The following RGS12 variants were observed in gnomAD, a reference collection of about 807,000 sequenced individuals.
RGS12 encodes regulator of G protein signaling 12.
In RGS12, 66 loss-of-function variants were observed where a neutral mutation model predicts 120.1. The ratio of observed to expected loss-of-function variants is 0.55; its 90% confidence interval spans 0.45 to 0.67. RGS12 has a LOEUF of 0.67. Among genes scored for constraint, RGS12 ranks in the 30% least tolerant of loss-of-function variants. RGS12 has a pLI of 0.00. For missense variants in RGS12, 1,859 were observed against 1,957.7 expected, an observed-to-expected ratio of 0.95 and a Z score of 0.95; for synonymous variants, 827 against 804.7, an observed-to-expected ratio of 1.03 and a Z score of -0.47.
chr4:3,370,361 T>C (rs770062919), intron 3 of RGS12: 2 of 1,594,228 alleles, frequency 1.3e-6, no homozygotes, highest in South Asian at 1.1e-5. Flanking sequence ...TAATCAGTGG[T>C]AGGAAAGCGT....
chr4:3,343,700 T>A (rs1560101829), intron 3 of RGS12, among the ~76,000 whole-genome samples: 1 of 152,168 alleles, frequency 6.6e-6, no homozygotes, highest in South Asian at 2.1e-4. Context: ...CACCCACCGC[T>A]GTGTATCACC....
In RGS12 at chr4:3,318,043, G is replaced by T. The variant is rs372643239; in HGVS notation, c.1873G>T (p.Asp625Tyr). 1.3e-6 allele frequency: 2 copies of T among 1,575,736 alleles called. No homozygotes were observed. The highest frequency in any genetic ancestry group is 1.7e-6 in the Non-Finnish European group (2 of 1,155,738). ...TCGAAATGTTCGAAAGACTAAGGAA[G>T]ATAAAAAGGTAAGCCTGCCAGGAGC... ...PHRNVRKTKE[D>Y]KKGSKFGRGT... The change falls in exon 2 of 18, where the codon GAT becomes TAT. Residue 625 changes from aspartate to tyrosine, a missense_variant. Physicochemically the swap from Asp to Tyr is radical, Grantham distance 160 (BLOSUM62 -3). Around this residue, in one of 3 missense-constraint regions of RGS12, gnomAD observed 967 missense variants for 994.2 expected, o/e 0.97. Transcript: ENST00000336727.
chr4:3,316,345 C>G lies in RGS12; in HGVS notation c.175C>G (p.Arg59Gly). The change falls in exon 2 of 18, where the codon CGA (arginine) becomes GGA (glycine). Residue 59 changes from arginine (R) to glycine (G), a missense_variant. Physicochemically the swap from Arg to Gly is moderately radical, Grantham distance 125. Around this residue, in one of 3 missense-constraint regions of RGS12, gnomAD observed 967 missense variants for 994.2 expected, o/e 0.97. Transcript: ENST00000336727. ...GAGCCCTGCGGATTTCGTGGGCCTCCGAGCTGGAGACCAGATACTTGCTGT... is the reference window on the plus strand; with the variant it reads ...GAGCCCTGCGGATTTCGTGGGCCTCGGAGCTGGAGACCAGATACTTGCTGT... ...RGSPADFVGL[R>G]AGDQILAVNE... The G allele has an allele frequency of 5.0e-6, 8 of 1,611,708 alleles. No individual in the cohort carries two copies. The highest frequency in any genetic ancestry group is 5.9e-6 in the Non-Finnish European group (7 of 1,178,910).
intron 4 of RGS12, among the ~76,000 whole-genome samples, chr4:3,387,560 G>A (rs768185396): frequency 7.2e-5 from 11 of 152,206 alleles, no homozygotes; most frequent in Admixed American, 3.9e-4. Context: ...CCCGACACTC[G>A]TGTGGTGGAG....
rs1038202574 is a variant in RGS12, at chr4:3,433,842, G to A, written c.4114+2887G>A. Among the ~76,000 whole-genome samples the A allele has an allele frequency of 6.6e-6, 1 of 152,118 alleles. No individual in the cohort carries two copies. Among genetic ancestry groups the A allele is most frequent in the African/African-American group, 2.4e-5 (1 of 41,416 alleles). On this transcript the variant is annotated intron_variant, in intron 17 of 17. Coordinates refer to ENST00000336727, the MANE Select transcript of RGS12 (RefSeq NM_001394154.1). The surrounding 1 kb of genome is among the most constrained non-coding windows in gnomAD (Gnocchi z 4.4). ...CATGCAGGCTGGCCGGTGCCCCCAT[G>A]CATGTCTGGTCCCGGGAGGCATGTG...
chr4:3,286,051 G>A, the RGS12 span, among the ~76,000 whole-genome samples: 4 of 152,260 alleles, frequency 2.6e-5, no homozygotes, highest in South Asian at 2.1e-4. Flanking sequence ...CCCAGGGAAC[G>A]TGGAGAGGAG....
chr4:3,439,308 G>A (rs547479103), intron 17 of RGS12, 147 bp from the exon 18 acceptor site: 344 of 791,206 alleles, frequency 4.3e-4, no homozygotes, highest in Non-Finnish European at 6.7e-4. Flanking sequence ...GGCCCACAGC[G>A]GGACGCCAGC....
At chr4:3,329,658 T>C (rs571656574) in intron 2 of RGS12, among the ~76,000 whole-genome samples, 5 of 152,152 alleles carry the variant, frequency 3.3e-5, no homozygotes, top group East Asian at 1.9e-4. Context: ...AAGAGCAGAA[T>C]TGATGGAAAA....
chr4:3,439,307 C>T (rs907603884), intron 17 of RGS12, 148 bp from the exon 18 acceptor site: 5 of 784,594 alleles, frequency 6.4e-6, no homozygotes, highest in African/African-American at 1.7e-5. Flanking sequence ...AGGCCCACAG[C>T]GGGACGCCAG....
chr4:3,338,633 G>A (rs955269836), intron 2 of RGS12, among the ~76,000 whole-genome samples: 1 of 151,010 alleles, frequency 6.6e-6, no homozygotes, highest in Admixed American at 6.6e-5. Flanking sequence ...CAGGGTGACC[G>A]GCCTCTGTGG....
At chr4:3,343,288 C>T (rs573174451) in intron 3 of RGS12, 4 of 463,166 alleles carry the variant, frequency 8.6e-6, no homozygotes, top group African/African-American at 3.9e-5. Flanking sequence ...GTGTGCCAGA[C>T]TCCAGTGAAC....
rs1724839257 is a variant in RGS12, at chr4:3,317,275, A to G, written c.1105A>G (p.Thr369Ala). The G allele has an allele frequency of 9.9e-6, 16 of 1,613,962 alleles. No homozygotes were observed. The highest frequency in any genetic ancestry group is 1.4e-5 in the Non-Finnish European group (16 of 1,180,026). The change falls in exon 2 of 18, where the codon ACC becomes GCC. Residue 369 changes from threonine (T) to alanine (A), a missense_variant. Thr to Ala is a moderately conservative substitution (Grantham distance 58). Coordinates refer to ENST00000336727, the MANE Select transcript of RGS12 (RefSeq NM_001394154.1). Reference sequence around the variant, plus strand: ...GTTTGAGTGCACGGCCGACCCAGACACCAATGGCTGTCTGGAATTCCCGGC... The same window carrying G: ...GTTTGAGTGCACGGCCGACCCAGACGCCAATGGCTGTCTGGAATTCCCGGC... ...FGFECTADPD[T>A]NGCLEFPASS...
intron 3 of RGS12, among the ~76,000 whole-genome samples, chr4:3,362,514 G>T (rs1715705849): frequency 7.0e-6 from 1 of 143,040 alleles, no homozygotes; most frequent in African/African-American, 2.6e-5. Context: ...GCGAGGATCA[G>T]TGTGTGTGAG....
In RGS12 at chr4:3,422,576, G is replaced by A. The variant is rs1723134125; in HGVS notation, c.3033+6G>A. On this transcript the variant is annotated splice_donor_region_variant and intron_variant, in intron 11 of 17. Transcript: ENST00000336727. Reference sequence around the variant, plus strand: ...TCCTGGTGGGCGGGGACAAGGTACTGGGCCCGCCTGACCCTCGTGCTGCCC... The same window carrying A: ...TCCTGGTGGGCGGGGACAAGGTACTAGGCCCGCCTGACCCTCGTGCTGCCC... 1 of 1,608,972 alleles carries A rather than the reference G, an allele frequency of 6.2e-7. No individual in the cohort carries two copies. The highest frequency in any genetic ancestry group is 1.3e-5 in the African/African-American group (1 of 75,018).
intron 1 of RGS12, among the ~76,000 whole-genome samples, chr4:3,300,017 C>A (rs768055210): frequency 3.7e-4 from 56 of 152,334 alleles, no homozygotes; most frequent in Non-Finnish European, 6.6e-4. Flanking sequence ...TAACTCTGTG[C>A]TGCAGTTTGT....
intron 4 of RGS12, among the ~76,000 whole-genome samples, chr4:3,394,201 C>T (rs578021593): frequency 7.6e-4 from 116 of 152,072 alleles, no homozygotes; most frequent in African/African-American, 2.7e-3. Context: ...CTCGCTCTGT[C>T]ACCCAGGCTA....
intron 4 of RGS12, among the ~76,000 whole-genome samples, chr4:3,397,625 A>T (rs1720170423): frequency 2.6e-5 from 4 of 152,170 alleles, no homozygotes; most frequent in Admixed American, 1.3e-4. Flanking sequence ...GGAGGAGCAG[A>T]TAGGGGGGTG....
In RGS12 at chr4:3,317,122, C is replaced by G; in HGVS notation, c.952C>G (p.Gln318Glu). 6.2e-7 allele frequency: 1 copy of G among 1,613,952 alleles called. No homozygotes were observed. The highest frequency in any genetic ancestry group is 8.5e-7 in the Non-Finnish European group (1 of 1,180,054). The change falls in exon 2 of 18, where the codon CAG (glutamine) becomes GAG (glutamate). Residue 318 changes from glutamine (Q) to glutamate (E), a missense_variant. Transcript: ENST00000336727. ...GCGATTTTTCGGGTTGGTTACCATG[C>G]AGACGAATGACGACGGGAGCCTGGC... Reference protein sequence around the residue: ...DRRFFGLVTMQTNDDGSLAQE... With the variant: ...DRRFFGLVTMETNDDGSLAQE...
At position 3,423,899 on chromosome 4, in the gene RGS12, C is replaced by A. The variant is rs1404191657; in HGVS notation, c.3234+258C>A. The A allele has an allele frequency of 7.3e-6, 3 of 412,432 alleles. No homozygotes were observed. The East Asian group carries it at 1.5e-4, about 20-fold the overall frequency. The allele number at this position is 412,432 out of a possible 1,614,324, so 25.5% of individuals were successfully genotyped here. A position where few individuals can be genotyped will look rare whatever the true frequency, so the allele number is the denominator to read the frequency against. Reference sequence around the variant, plus strand: ...GAGAGGTGGTTTTGCTCCAGGGAGGCCAAAATGAGAAACAAAGCAACCAAC... The same window carrying A: ...GAGAGGTGGTTTTGCTCCAGGGAGGACAAAATGAGAAACAAAGCAACCAAC... On this transcript the variant is annotated intron_variant, in intron 13 of 17. Coordinates refer to ENST00000336727, the MANE Select transcript of RGS12 (RefSeq NM_001394154.1).
Sources: allele counts gnomAD v4.1 joint callset (sites outside exome capture counted in the v4.1 genomes callset), GRCh38; gene constraint gnomAD v4.1.1; regional missense constraint gnomAD v4.1.1; non-coding constraint Gnocchi (gnomAD v3.1); transcripts MANE v1.5; gene names NCBI Gene and HGNC (gene_info 2026-07-23, HGNC 2026-07-21).